MLLT1: variants seen among roughly 807,000 people sequenced by gnomAD.
The protein encoded by MLLT1 is protein ENL.
Under a neutral mutation model 55.1 loss-of-function variants are expected in MLLT1, and 11 were observed. That is an observed-to-expected ratio of 0.20 (90% CI 0.13 to 0.33). MLLT1 has a LOEUF of 0.33. Among genes scored for constraint, MLLT1 ranks in the 10% least tolerant of loss-of-function variants. The pLI is 1.00. For missense variants in MLLT1, 536 were observed against 760.6 expected (o/e 0.70, Z 3.47); for synonymous variants, 323 against 320.1 (o/e 1.01, Z -0.10).
At chr19:6,245,738 T>TA (rs1388288593) in intron 3 of MLLT1, among the ~76,000 whole-genome samples, 2 of 141,012 alleles carry the variant, frequency 1.4e-5, no homozygotes, top group Admixed American at 7.0e-5. Flanking sequence ...AATTTTTTTT[T>TA]AAAAAGAAAA....
chr19:6,278,878 G>A (rs1308020926), intron 1 of MLLT1, among the ~76,000 whole-genome samples: 2 of 152,190 alleles, frequency 1.3e-5, no homozygotes, highest in Non-Finnish European at 2.9e-5. Context: ...GAAGGGGGCT[G>A]AGGCGGCAGG....
chr19:6,268,937 G>A (rs1324032253), intron 2 of MLLT1, among the ~76,000 whole-genome samples: 1 of 152,184 alleles, frequency 6.6e-6, no homozygotes, highest in Non-Finnish European at 1.5e-5. Context: ...CAACGTGGTG[G>A]GGAACAAAGG....
At chr19:6,233,861 G>A (rs372284264) in intron 3 of MLLT1, among the ~76,000 whole-genome samples, 2 of 152,194 alleles carry the variant, frequency 1.3e-5, no homozygotes, top group South Asian at 2.1e-4. Context: ...ATGTGGCCAC[G>A]TGCCCCTCCT....
At position 6,213,213 on chromosome 19, in the gene MLLT1, G is replaced by T. The variant is rs369647101; in HGVS notation, c.1552-43C>A. 123 of 1,613,318 alleles carry T rather than the reference G, an allele frequency of 7.6e-5. 3 individuals are homozygous for T. Among genetic ancestry groups the T allele is most frequent in the South Asian group, 7.1e-4 (65 of 91,050 alleles). On this transcript the variant is annotated intron_variant, in intron 11 of 11. Transcript: ENST00000252674. Reference sequence around the variant, plus strand: ...GTGGCTTCAGGGGCAGGGGGCCAAGGGTGGGGTTGCCCTGTTCCCTAACAG... The same window carrying T: ...GTGGCTTCAGGGGCAGGGGGCCAAGTGTGGGGTTGCCCTGTTCCCTAACAG...
At chr19:6,257,127 G>T (rs2144930223) in intron 3 of MLLT1, among the ~76,000 whole-genome samples, 1 of 152,350 alleles carries the variant, frequency 6.6e-6, no homozygotes, top group South Asian at 2.1e-4. Flanking sequence ...TGGCAATGGA[G>T]TCACAGATTT....
Position 6,270,929 on chromosome 19 carries a change from G to A in MLLT1, c.13-170C>T, listed in dbSNP as rs1008330225. Among the ~76,000 whole-genome samples the A allele has an allele frequency of 6.6e-6, 1 of 152,068 alleles. No individual in the cohort carries two copies. The highest frequency in any genetic ancestry group is 1.5e-5 in the Non-Finnish European group (1 of 67,988). ...ATCGCGCCAGCACCTTGCCGCAGAC[G>A]TCCCGTGCCTTCTCCCCTCCGTACT... On this transcript the variant is annotated intron_variant, in intron 1 of 11. Coordinates refer to ENST00000252674, the MANE Select transcript of MLLT1 (RefSeq NM_005934.4). This position sits in a 1 kb window ranked among gnomAD's most constrained non-coding sequence, Gnocchi z 7.1.
In MLLT1 at chr19:6,222,395, G is replaced by A. The variant is rs542573805; in HGVS notation, c.836C>T (p.Pro279Leu). 6 of 1,018,768 alleles carry A rather than the reference G, an allele frequency of 5.9e-6. No homozygotes were observed. The highest frequency in any genetic ancestry group is 4.6e-5 in the East Asian group (1 of 21,890). 63.1% of individuals were successfully genotyped at this position (1,018,768 alleles called of 1,614,324 possible). A position where few individuals can be genotyped will look rare whatever the true frequency, so the allele number is the denominator to read the frequency against. ...KGGPPPPPPP[P>L]PRASSKRPAT... is the part of the protein sequence containing the mutation. Reference sequence around the variant, plus strand: ...CGGCCGCTTGCTGGAAGCCCGGGGTGGGGGTGGGGGTGGGGGTGGGGGCCC... The same window carrying A: ...CGGCCGCTTGCTGGAAGCCCGGGGTAGGGGTGGGGGTGGGGGTGGGGGCCC... The change falls in exon 6 of 12, where the codon CCA becomes CTA. Residue 279 changes from proline (P) to leucine (L), a missense_variant. Pro to Leu is a moderately conservative substitution (Grantham distance 98). This residue lies in a region of MLLT1 where 449 missense variants were observed against 489.0 expected (regional missense o/e 0.92). Coordinates refer to ENST00000252674, the MANE Select transcript of MLLT1 (RefSeq NM_005934.4). The surrounding 1 kb of genome is among the most constrained non-coding windows in gnomAD (Gnocchi z 4.1).
Position 6,273,857 on chromosome 19 carries a change from A to G in MLLT1, c.13-3098T>C, listed in dbSNP as rs192552126. On this transcript the variant is annotated intron_variant, in intron 1 of 11. Coordinates refer to ENST00000252674, the MANE Select transcript of MLLT1 (RefSeq NM_005934.4). This position sits in a 1 kb window ranked among gnomAD's most constrained non-coding sequence, Gnocchi z 4.3. ...CCGACTTCCCGGCATTTCTGATGAC[A>G]GGGAGTTCCTACCCAGGGCACGCAG... Among the ~76,000 whole-genome samples, 7 of 152,344 alleles carry G rather than the reference A, an allele frequency of 4.6e-5. No homozygotes were observed. The highest frequency in any genetic ancestry group is 2.6e-4 in the Admixed American group (4 of 15,304).
chr19:6,215,289 C>A (rs571529127), intron 8 of MLLT1, among the ~76,000 whole-genome samples: 1 of 152,256 alleles, frequency 6.6e-6, no homozygotes, highest in African/African-American at 2.4e-5. Context: ...CCCTCTAGAA[C>A]CGAACCTTCC....
rs1006679982 is a variant in MLLT1, at chr19:6,229,446, C to T, written c.420+1124G>A. Among the ~76,000 whole-genome samples, 1 of 151,928 alleles carries T rather than the reference C, an allele frequency of 6.6e-6. No homozygotes were observed. Among genetic ancestry groups the T allele is most frequent in the African/African-American group, 2.4e-5 (1 of 41,310 alleles). ...GAGGAAGGAGGACTCCCCAGCCTGACACCCACAGCCACGGTGCCCCAAATC... is the reference window on the plus strand; with the variant it reads ...GAGGAAGGAGGACTCCCCAGCCTGATACCCACAGCCACGGTGCCCCAAATC... On this transcript the variant is annotated intron_variant, in intron 4 of 11. Transcript: ENST00000252674. This position sits in a 1 kb window ranked among gnomAD's most constrained non-coding sequence, Gnocchi z 5.2.
At chr19:6,239,552 T>G (rs1214378541) in intron 3 of MLLT1, among the ~76,000 whole-genome samples, 2 of 151,980 alleles carry the variant, frequency 1.3e-5, no homozygotes, top group African/African-American at 4.8e-5. Flanking sequence ...CACACACGCA[T>G]GCGTACACAC....
rs564445659 is a variant in MLLT1, at chr19:6,240,863, C to G, written c.277-10150G>C. On this transcript the variant is annotated intron_variant, in intron 3 of 11. Transcript: ENST00000252674. The surrounding 1 kb of genome is among the most constrained non-coding windows in gnomAD (Gnocchi z 4.7). ...GCAATTAGAAACCAAAAGGAGGAGG[C>G]AGAAATGCAGACACCACATTTTAAA... is the stretch of plus-strand genomic sequence containing the variant. 2.6e-5 allele frequency among the ~76,000 whole-genome samples: 4 copies of G among 152,276 alleles called. No individual in the cohort carries two copies. In the East Asian group the frequency reaches 7.7e-4, roughly 29 times the overall value.
intron 3 of MLLT1, among the ~76,000 whole-genome samples, chr19:6,250,857 TGGATGAATG>T (rs2091207107): frequency 6.6e-6 from 1 of 152,064 alleles, no homozygotes; most frequent in Admixed American, 6.5e-5. Flanking sequence ...TGGCCGTCAA[TGGATGAATG>T]GATAAAGTGT....
At chr19:6,272,640 G>A (rs191065235) in intron 1 of MLLT1, among the ~76,000 whole-genome samples, 1 of 152,330 alleles carries the variant, frequency 6.6e-6, no homozygotes, top group African/African-American at 2.4e-5. Flanking sequence ...TCTGAGAGCA[G>A]GGACTACATC....
At chr19:6,275,492 G>A (rs1354304851) in intron 1 of MLLT1, among the ~76,000 whole-genome samples, 2 of 152,182 alleles carry the variant, frequency 1.3e-5, no homozygotes, top group South Asian at 2.1e-4. Flanking sequence ...AAGCCCAGTC[G>A]GGGCCCTCAG....
At position 6,240,588 on chromosome 19, in the gene MLLT1, G is replaced by A. The variant is rs188242688; in HGVS notation, c.277-9875C>T. 2.6e-5 allele frequency among the ~76,000 whole-genome samples: 4 copies of A among 152,322 alleles called. No individual in the cohort carries two copies. Among genetic ancestry groups the A allele is most frequent in the Non-Finnish European group, 5.9e-5 (4 of 68,030 alleles). Reference sequence around the variant, plus strand: ...GGCCCAGAGACCCCCGGGATACACCGTTGGGAGAAGAAAGCAAACCACGAG... The same window carrying A: ...GGCCCAGAGACCCCCGGGATACACCATTGGGAGAAGAAAGCAAACCACGAG... On this transcript the variant is annotated intron_variant, in intron 3 of 11. Transcript: ENST00000252674. The surrounding 1 kb of genome is among the most constrained non-coding windows in gnomAD (Gnocchi z 4.7).
chr19:6,227,539 G>A lies in MLLT1; in HGVS notation c.421-437C>T, dbSNP rs2090967179. On this transcript the variant is annotated intron_variant, in intron 4 of 11. Transcript: ENST00000252674. The surrounding 1 kb of genome is among the most constrained non-coding windows in gnomAD (Gnocchi z 5.1). ...CAGCAACTTCCCGGGGTGCACATGG[G>A]TGCAACTCCAGTGGGTCCCACGTGC... Among the ~76,000 whole-genome samples, 1 of 152,246 alleles carries A rather than the reference G, an allele frequency of 6.6e-6. No individual in the cohort carries two copies. Among genetic ancestry groups the A allele is most frequent in the Non-Finnish European group, 1.5e-5 (1 of 68,042 alleles).
intron 3 of MLLT1, among the ~76,000 whole-genome samples, chr19:6,257,156 G>A (rs951927654): frequency 3.3e-5 from 5 of 152,206 alleles, no homozygotes; most frequent in South Asian, 2.1e-4. Context: ...AGGTGTGAGC[G>A]ACAAGAGAAA....
At position 6,230,783 on chromosome 19, in the gene MLLT1, G is replaced by A; in HGVS notation, c.277-70C>T. ...GGTGCAGGGACACAGCTCCCCATTG[G>A]CCCTGGTCCTCCCCTCTCCCTCACT... On this transcript the variant is annotated intron_variant, in intron 3 of 11. Coordinates refer to ENST00000252674, the MANE Select transcript of MLLT1 (RefSeq NM_005934.4). This position sits in a 1 kb window ranked among gnomAD's most constrained non-coding sequence, Gnocchi z 9.0. 1 of 1,576,400 alleles carries A rather than the reference G, an allele frequency of 6.3e-7. No individual in the cohort carries two copies. The highest frequency in any genetic ancestry group is 8.7e-7 in the Non-Finnish European group (1 of 1,154,880).
Sources: allele counts gnomAD v4.1 joint callset (sites outside exome capture counted in the v4.1 genomes callset), GRCh38; gene constraint gnomAD v4.1.1; regional missense constraint gnomAD v4.1.1; non-coding constraint Gnocchi (gnomAD v3.1); transcripts MANE v1.5; gene names NCBI Gene and HGNC (gene_info 2026-07-23, HGNC 2026-07-21).